HOGA1: variants seen among roughly 807,000 people sequenced by gnomAD.
The protein encoded by HOGA1 is 4-hydroxy-2-oxoglutarate aldolase, mitochondrial.
A neutral mutation model predicts 34.3 loss-of-function variants in HOGA1; 30 were observed. That is an observed-to-expected ratio of 0.87 (90% confidence interval 0.65 to 1.19). The LOEUF (loss-of-function observed/expected upper bound fraction) is 1.19, where lower values mean the gene tolerates loss of function less well. Ranked by LOEUF, HOGA1 falls within the 50% of genes most tolerant of loss-of-function variation. The pLI is 0.00. For missense variants in HOGA1, 417 were observed against 436.5 expected (o/e 0.96, Z 0.40); for synonymous variants, 161 against 174.0 (o/e 0.93, Z 0.59).
At chr10:97,585,909 C>T (rs969589886) in intron 1 of HOGA1, among the ~76,000 whole-genome samples, 5 of 152,002 alleles carry the variant, frequency 3.3e-5, no homozygotes, top group Non-Finnish European at 7.4e-5. Flanking sequence ...GAGGCCGAGG[C>T]GGAGGGATCA....
At position 97,590,471 on chromosome 10, in the gene HOGA1, G is replaced by A. The variant is rs1447679853; in HGVS notation, c.211+5557G>A. On this transcript the variant is annotated intron_variant, in intron 1 of 6. Transcript: ENST00000370646. The stretch of plus-strand genomic sequence containing the variant: ...CACCCAGCGGGAAAACACCATAGCT[G>A]GTGCCAATCACACACACACCTTCTA... 9.9e-6 allele frequency: 16 copies of A among 1,613,520 alleles called. No homozygotes were observed. In the South Asian group the frequency reaches 1.6e-4, roughly 17 times the overall value.
chr10:97,591,791 AT>A (rs56897479), intron 1 of HOGA1, among the ~76,000 whole-genome samples: 22,876 of 107,226 alleles, frequency 0.21, 2,069 homozygotes, highest in African/African-American at 0.33. Context: ...CACCTGGCTA[AT>A]TTTTTTTTTT....
At position 97,598,797 on chromosome 10, in the gene HOGA1, T is replaced by A. The variant is rs769137843; in HGVS notation, c.234T>A (p.Asn78Lys). 11 of 1,614,016 alleles carry A rather than the reference T, an allele frequency of 6.8e-6. No homozygotes were observed. The Admixed American group carries it at 1.7e-4, about 24-fold the overall frequency. Residue 78 changes from asparagine (N) to lysine (K), a missense_variant, in exon 2 of 7, where the codon AAT (asparagine) becomes AAA (lysine). Coordinates refer to ENST00000370646, the MANE Select transcript of HOGA1 (RefSeq NM_138413.4). ...CAGGCTTCGTGGTCCAGGGCTCCAA[T>A]GGCGAGTTTCCTTTCCTGACCAGCA... ...PFRGFVVQGS[N>K]GEFPFLTSSE...
At chr10:97,604,841 G>A (rs1164477702) in intron 6 of HOGA1, among the ~76,000 whole-genome samples, 1 of 152,096 alleles carries the variant, frequency 6.6e-6, no homozygotes, top group Non-Finnish European at 1.5e-5. Context: ...AATTAGCTGG[G>A]CATGGTGGTG....
At chr10:97,591,207 G>C (rs1327668665) in intron 1 of HOGA1, among the ~76,000 whole-genome samples, 1 of 152,112 alleles carries the variant, frequency 6.6e-6, no homozygotes, top group Non-Finnish European at 1.5e-5. Flanking sequence ...CAGGCTTTCA[G>C]AGGAGAGTAA....
Position 97,599,820 on chromosome 10 carries a change from T to C in HOGA1, c.603+6T>C, listed in dbSNP as rs778711196. 80 of 1,613,992 alleles carry C rather than the reference T, an allele frequency of 5.0e-5. No homozygotes were observed. Among genetic ancestry groups the C allele is most frequent in the Non-Finnish European group, 6.3e-5 (74 of 1,180,030 alleles). On this transcript the variant is annotated splice_donor_region_variant and intron_variant, in intron 4 of 6. Transcript: ENST00000370646. ...TGAAGGACAGCGGTGGTGATGTGAG[T>C]GGCAGCAGCTCCGGGGCTGGGGTCC...
intron 1 of HOGA1, among the ~76,000 whole-genome samples, chr10:97,598,055 A>T (rs2041084488): frequency 6.6e-6 from 1 of 152,272 alleles, no homozygotes. Context: ...TCTTAGACAT[A>T]TGCACAGAAG....
At chr10:97,597,534 A>C (rs1003608326) in intron 1 of HOGA1, among the ~76,000 whole-genome samples, 5 of 152,184 alleles carry the variant, frequency 3.3e-5, no homozygotes, top group Non-Finnish European at 7.4e-5. Context: ...AAAAACAGGA[A>C]AACGCAAAAT....
rs5787248 is a variant in HOGA1 at position 97,612,009 on chromosome 10, A to ATT, written c.*353_*354dup. 1.2e-4 allele frequency: 23 copies of ATT among 196,740 alleles called. No homozygotes were observed. The highest frequency in any genetic ancestry group is 3.2e-4 in the South Asian group (3 of 9,380). The allele number at this position is 196,740 out of a possible 1,614,324, so 12.2% of individuals were successfully genotyped here. Reference sequence around the variant, plus strand: ...AGGGGCAAGTAGGCACAGTAAGGGAATTTTCTTTTCTTTTTTTTTTTTTTT... The same window carrying ATT: ...AGGGGCAAGTAGGCACAGTAAGGGAATTTTTTCTTTTCTTTTTTTTTTTTTTT... On this transcript the variant is annotated 3_prime_UTR_variant, in exon 7 of 7. Coordinates refer to ENST00000370646, the MANE Select transcript of HOGA1 (RefSeq NM_138413.4).
chr10:97,611,627 C>A lies in HOGA1; in HGVS notation c.952C>A (p.Arg318Ser). Reference protein sequence around the residue: ...ELSPAEEEALRMDFTSNGWL With the variant: ...ELSPAEEEALSMDFTSNGWL ...GAGCCCCGCTGAGGAGGAGGCACTGCGCATGGATTTCACCAGCAACGGCTG... is the reference window on the plus strand; with the variant it reads ...GAGCCCCGCTGAGGAGGAGGCACTGAGCATGGATTTCACCAGCAACGGCTG... Residue 318 changes from arginine to serine, a missense_variant, in exon 7 of 7, where the codon CGC becomes AGC. By Grantham distance (110) the Arg-to-Ser change is moderately radical (BLOSUM62 -1). Transcript: ENST00000370646. The A allele has an allele frequency of 4.3e-6, 7 of 1,614,036 alleles. No homozygotes were observed. Among genetic ancestry groups the A allele is most frequent in the Non-Finnish European group, 5.9e-6 (7 of 1,180,038 alleles).
chr10:97,604,949 C>G (rs2041145786), intron 6 of HOGA1, among the ~76,000 whole-genome samples: 1 of 152,126 alleles, frequency 6.6e-6, no homozygotes, highest in South Asian at 2.1e-4. Flanking sequence ...CCACTGCACT[C>G]CAGCCTGGGT....
chr10:97,603,881 T>C lies in HOGA1; in HGVS notation c.834+1891T>C, dbSNP rs1002143329. Reference sequence around the variant, plus strand: ...GGCCAAACTTTTTATTTTTAGATAATTATAGATTCCCATGCAACTTTAAGA... The same window carrying C: ...GGCCAAACTTTTTATTTTTAGATAACTATAGATTCCCATGCAACTTTAAGA... On this transcript the variant is annotated intron_variant, in intron 6 of 6. Transcript: ENST00000370646. This position sits in a 1 kb window ranked among gnomAD's most constrained non-coding sequence, Gnocchi z 4.5. 6.6e-6 allele frequency among the ~76,000 whole-genome samples: 1 copy of C among 152,140 alleles called. No homozygotes were observed. Among genetic ancestry groups the C allele is most frequent in the East Asian group, 1.9e-4 (1 of 5,200 alleles).
chr10:97,612,370 G>A lies in HOGA1; in HGVS notation c.*711G>A, dbSNP rs11189295. ...CTGAGTCTAGCACAATGCAGCTGGA[G>A]GCCAGGGCTACTCCTACAAACCCAA... On this transcript the variant is annotated 3_prime_UTR_variant, in exon 7 of 7. Transcript: ENST00000370646. The A allele has an allele frequency of 0.4, 60,165 of 151,896 alleles. 12,936 individuals carry two copies. Among genetic ancestry groups the A allele is most frequent in the African/African-American group, 0.58 (24,058 of 41,388 alleles). 9.4% of individuals were successfully genotyped at this position (151,896 alleles called of 1,614,324 possible).
At chr10:97,606,051 G>A (rs188088968) in intron 6 of HOGA1, among the ~76,000 whole-genome samples, 2 of 150,678 alleles carry the variant, frequency 1.3e-5, no homozygotes, top group East Asian at 3.9e-4. Context: ...TTGGGAGGCC[G>A]AGGTGGGTGG....
rs189118636 is a variant in HOGA1 at position 97,603,044 on chromosome 10, C to T, written c.834+1054C>T. Among the ~76,000 whole-genome samples, 468 of 152,290 alleles carry T rather than the reference C, an allele frequency of 3.1e-3. 2 individuals carry two copies. Among genetic ancestry groups the T allele is most frequent in the African/African-American group, 0.011 (440 of 41,572 alleles). ...TGAGACATAGTCTCACTCTGTTTCC[C>T]AGGCTGGAGTGCAGTGGCACAATCT... On this transcript the variant is annotated intron_variant, in intron 6 of 6. Transcript: ENST00000370646. The surrounding 1 kb of genome is among the most constrained non-coding windows in gnomAD (Gnocchi z 4.5).
intron 1 of HOGA1, among the ~76,000 whole-genome samples, chr10:97,589,075 C>T (rs1180936055): frequency 6.6e-6 from 1 of 152,144 alleles, no homozygotes; most frequent in Non-Finnish European, 1.5e-5. Flanking sequence ...TAGCAGCTAC[C>T]ATCCCGGAGT....
At chr10:97,585,746 A>G (rs2040965230) in intron 1 of HOGA1, among the ~76,000 whole-genome samples, 2 of 151,698 alleles carry the variant, frequency 1.3e-5, no homozygotes, top group Admixed American at 1.3e-4. Context: ...CTCATTATAA[A>G]CCCTTTGGAG....
At chr10:97,584,949 A>C in intron 1 of HOGA1, 35 bp downstream of exon 1, 1 of 1,579,506 alleles carries the variant, frequency 6.3e-7, no homozygotes, top group Non-Finnish European at 8.7e-7. Flanking sequence ...ACCTGGGGAG[A>C]TGTGAGTGGC....
At chr10:97,608,897 G>A (rs1328770321) in intron 6 of HOGA1, among the ~76,000 whole-genome samples, 1 of 152,072 alleles carries the variant, frequency 6.6e-6, no homozygotes, top group East Asian at 1.9e-4. Flanking sequence ...GGGCCTCATG[G>A]GCCTGGCTGC....
Sources: allele counts gnomAD v4.1 joint callset (sites outside exome capture counted in the v4.1 genomes callset), GRCh38; gene constraint gnomAD v4.1.1; non-coding constraint Gnocchi (gnomAD v3.1); transcripts MANE v1.5; gene names NCBI Gene and HGNC (gene_info 2026-07-23, HGNC 2026-07-21).